ADAM22: variants seen among roughly 807,000 people sequenced by gnomAD.
ADAM22 encodes the protein disintegrin and metalloproteinase domain-containing protein 22.
A neutral mutation model predicts 144.6 loss-of-function variants in ADAM22; 65 were observed. That is an observed-to-expected ratio of 0.45 (90% CI 0.37 to 0.55). The LOEUF (loss-of-function observed/expected upper bound fraction) is 0.55, where lower values mean the gene tolerates loss of function less well. Ranked by LOEUF, ADAM22 falls within the 20% of genes least tolerant of loss-of-function variation. The pLI is 0.00. For missense variants in ADAM22, 974 were observed against 1,184.9 expected, an observed-to-expected ratio of 0.82 and a Z score of 2.61; for synonymous variants, 391 against 412.6, an observed-to-expected ratio of 0.95 and a Z score of 0.63.
At chr7:88,036,152 T>G (rs867355886) in intron 3 of ADAM22, among the ~76,000 whole-genome samples, 1 of 152,178 alleles carries the variant, frequency 6.6e-6, no homozygotes, top group South Asian at 2.1e-4. Context: ...TTGGAAATAA[T>G]CTCTGCATGG....
At chr7:88,118,578 G>T (rs1828398777) in intron 7 of ADAM22, among the ~76,000 whole-genome samples, 1 of 151,338 alleles carries the variant, frequency 6.6e-6, no homozygotes, top group South Asian at 2.1e-4. Flanking sequence ...AATATTTAAA[G>T]TAATAAATAA....
intron 2 of ADAM22, among the ~76,000 whole-genome samples, chr7:87,953,660 G>A (rs940582285): frequency 5.3e-5 from 8 of 152,110 alleles, no homozygotes; most frequent in Non-Finnish European, 1.0e-4. Context: ...TATTAGGTCC[G>A]CTTGTTGCAG....
chr7:87,945,684 T>C (rs1325331847), intron 2 of ADAM22, among the ~76,000 whole-genome samples: 1 of 152,020 alleles, frequency 6.6e-6, no homozygotes, highest in East Asian at 1.9e-4. Context: ...AGCTAATTTT[T>C]TGTATTTTTA....
intron 2 of ADAM22, among the ~76,000 whole-genome samples, chr7:87,958,833 T>A (rs890245223): frequency 1.3e-5 from 2 of 152,222 alleles, no homozygotes; most frequent in Admixed American, 6.5e-5. Context: ...ATTTTTCAAT[T>A]GAAATTTTTG....
chr7:87,957,955 A>G (rs1219009500), intron 2 of ADAM22, among the ~76,000 whole-genome samples: 6 of 152,146 alleles, frequency 3.9e-5, no homozygotes, highest in Admixed American at 2.6e-4. Flanking sequence ...TTAAATGTCT[A>G]TCTTTTATAG....
At chr7:88,026,899 T>G (rs1409677572) in intron 3 of ADAM22, among the ~76,000 whole-genome samples, 2 of 152,200 alleles carry the variant, frequency 1.3e-5, no homozygotes, top group Non-Finnish European at 2.9e-5. Flanking sequence ...GGTTTGTTTC[T>G]TCTATAGCCA....
chr7:88,108,064 T>C, intron 4 of ADAM22, 112 bp from the exon 5 acceptor site: 1 of 717,184 alleles, frequency 1.4e-6, no homozygotes, highest in Non-Finnish European at 2.3e-6. Flanking sequence ...TAATGAAATA[T>C]CATGCAGAGT....
rs1802710768 is a variant in ADAM22, at chr7:88,040,010, G to A, written c.324-35616G>A. Among the ~76,000 whole-genome samples the A allele has an allele frequency of 2.0e-5, 3 of 151,856 alleles. No individual in the cohort carries two copies. The South Asian group carries it at 6.2e-4, about 32-fold the overall frequency. ...CTCATCACAGTTCAACCCTATTTCT[G>A]TAGATATTTGCTAAGCCTGACCTCT... On this transcript the variant is annotated intron_variant, in intron 3 of 31. Coordinates refer to ENST00000413139, the MANE Select transcript of ADAM22 (RefSeq NM_001324418.2).
chr7:88,083,021 A>G (rs1174657156), intron 4 of ADAM22, among the ~76,000 whole-genome samples: 1 of 152,228 alleles, frequency 6.6e-6, no homozygotes, highest in East Asian at 1.9e-4. Flanking sequence ...TCATGCTGCT[A>G]TAAAGACACA....
At chr7:88,053,501 A>G (rs1315893605) in intron 3 of ADAM22, among the ~76,000 whole-genome samples, 4 of 151,586 alleles carry the variant, frequency 2.6e-5, no homozygotes, top group Non-Finnish European at 5.9e-5. Flanking sequence ...ACTTAAAGAG[A>G]AGAGGAAATG....
chr7:87,988,754 G>A (rs928322370), intron 3 of ADAM22, among the ~76,000 whole-genome samples: 1 of 152,112 alleles, frequency 6.6e-6, no homozygotes, highest in Admixed American at 6.5e-5. Context: ...AGGGGTTCAG[G>A]TGTGCTTTTT....
chr7:88,042,920 A>G (rs372952536), intron 3 of ADAM22, among the ~76,000 whole-genome samples: 1 of 151,270 alleles, frequency 6.6e-6, no homozygotes, highest in East Asian at 1.9e-4. Context: ...ATATATTAAT[A>G]GCCTTCTAAG....
chr7:88,085,207 G>T (rs544742718), intron 4 of ADAM22, among the ~76,000 whole-genome samples: 1 of 152,162 alleles, frequency 6.6e-6, no homozygotes, highest in East Asian at 1.9e-4. Context: ...CTTTTCTCTT[G>T]GGACTGAAGT....
chr7:88,039,967 G>T (rs1024695800), intron 3 of ADAM22, among the ~76,000 whole-genome samples: 4 of 151,682 alleles, frequency 2.6e-5, no homozygotes, highest in Non-Finnish European at 5.9e-5. Flanking sequence ...CTGAGTCAGT[G>T]TCCTTTTCAC....
At chr7:87,981,788 T>G (rs1029276042) in intron 3 of ADAM22, among the ~76,000 whole-genome samples, 4 of 152,108 alleles carry the variant, frequency 2.6e-5, no homozygotes, top group Non-Finnish European at 5.9e-5. Flanking sequence ...AGTCTCATCA[T>G]GCTATATTTA....
At chr7:88,162,365 G>GA (rs1246997100) in intron 22 of ADAM22, among the ~76,000 whole-genome samples, 1 of 151,880 alleles carries the variant, frequency 6.6e-6, no homozygotes, top group Non-Finnish European at 1.5e-5. Context: ...GAGTGGATGA[G>GA]AAAAAATAAC....
rs1023611034 is a variant in ADAM22 at position 88,148,986 on chromosome 7, A to G, written c.1495A>G (p.Met499Val). ...TTTTTGTTCATTTTAGTTTCAGCCT[A>G]TGGGCACTGTGTGCCGAGAAGCAGT... ...LCCKKCKFQP[M>V]GTVCREAVND... is the part of the protein sequence containing the mutation. Residue 499 changes from methionine to valine, a missense_variant, in exon 18 of 32, where the codon ATG (methionine) becomes GTG (valine). By Grantham distance (21) the Met-to-Val change is conservative. This residue lies in a region of ADAM22 where 734 missense variants were observed against 950.6 expected (regional missense o/e 0.77). Transcript: ENST00000413139. 3.7e-6 allele frequency: 6 copies of G among 1,611,338 alleles called. No individual in the cohort carries two copies. In the African/African-American group the frequency reaches 5.3e-5, roughly 14 times the overall value.
intron 20 of ADAM22, among the ~76,000 whole-genome samples, 177 bp from the exon 21 acceptor site, chr7:88,153,044 G>C (rs1186885978): frequency 6.6e-6 from 1 of 152,132 alleles, no homozygotes; most frequent in Non-Finnish European, 1.5e-5. Flanking sequence ...AAACCTATCT[G>C]AGTCATGGAT....
chr7:88,127,865 A>T lies in ADAM22; in HGVS notation c.679-737A>T, dbSNP rs567706250. Among the ~76,000 whole-genome samples, 3 of 152,164 alleles carry T rather than the reference A, an allele frequency of 2.0e-5. No individual in the cohort carries two copies. The South Asian group carries it at 6.2e-4, about 32-fold the overall frequency. On this transcript the variant is annotated intron_variant, in intron 8 of 31. Coordinates refer to ENST00000413139, the MANE Select transcript of ADAM22 (RefSeq NM_001324418.2). ...TAGGCTAACTGTAGAGAACAAAGAG[A>T]ATAGCTGCCTTAGTGGCTTTTCCTT...
Sources: gnomAD v4.1 joint callset for allele counts (sites outside exome capture counted in the v4.1 genomes callset) on GRCh38, gnomAD v4.1.1 for gene constraint, gnomAD v4.1.1 regional missense constraint, MANE v1.5 for transcripts, NCBI Gene and HGNC (gene_info 2026-07-23, HGNC 2026-07-21) for gene names.